Variants in ABCB1 observed in about 807,000 individuals in gnomAD.
ABCB1 encodes the protein ATP binding cassette subfamily B member 1, also known as ATP-dependent translocase ABCB1.
ABCB1 carries 69 observed loss-of-function variants against 142.0 expected under a neutral mutation model. The observed-to-expected ratio is 0.49, with a 90% CI of 0.40 to 0.59. The LOEUF (loss-of-function observed/expected upper bound fraction) is 0.59. ABCB1 is among the 20% of genes least tolerant of loss of function. The pLI, the probability that ABCB1 is intolerant of heterozygous loss-of-function variation, is 0.00. For missense variants in ABCB1, 1,326 were observed against 1,554.7 expected (o/e 0.85, Z 2.47); for synonymous variants, 532 against 539.2 (o/e 0.99, Z 0.18).
chr7:87,690,468 G>A (rs1487207574), intron 1 of ABCB1, among the ~76,000 whole-genome samples: 3 of 152,070 alleles, frequency 2.0e-5, no homozygotes, highest in African/African-American at 7.2e-5. Flanking sequence ...TTGTTTCTAA[G>A]ATGTTAATAC....
chr7:87,503,046 A>G lies in ABCB1; in HGVS notation c.*1197T>C, dbSNP rs1267858604. Among the ~76,000 whole-genome samples the G allele has an allele frequency of 1.3e-5, 2 of 152,148 alleles. No individual in the cohort carries two copies. The highest frequency in any genetic ancestry group is 2.4e-5 in the African/African-American group (1 of 41,576). ...GTCACATTAGATTTTTTTATTCATCATTAAATTACAAGGCAAAAAAATGAT... is the reference window on the plus strand; with the variant it reads ...GTCACATTAGATTTTTTTATTCATCGTTAAATTACAAGGCAAAAAAATGAT... On this transcript the variant is annotated 3_prime_UTR_variant, in exon 28 of 28. Transcript: ENST00000622132.
chr7:87,552,242 G>A (rs1817104879), intron 9 of ABCB1, among the ~76,000 whole-genome samples: 1 of 152,050 alleles, frequency 6.6e-6, no homozygotes, highest in Non-Finnish European at 1.5e-5. Context: ...GGGTTGATGA[G>A]AATTAATGTC....
chr7:87,560,116 C>T (rs1817497880), intron 8 of ABCB1, among the ~76,000 whole-genome samples: 1 of 152,138 alleles, frequency 6.6e-6, no homozygotes. Flanking sequence ...TTACCACCCC[C>T]ATTAGAATTT....
chr7:87,564,582 T>C (rs957874910), intron 7 of ABCB1, among the ~76,000 whole-genome samples: 1 of 152,170 alleles, frequency 6.6e-6, no homozygotes, highest in African/African-American at 2.4e-5. Context: ...TGTCTCTAGG[T>C]TTGAAGGTAG....
rs59443388 is a variant in ABCB1 at position 87,611,550 on chromosome 7, A to AT, written c.-330-10473dup. ...CATCCACATTGCTGCAAAGGACATG[A>AT]TTTTTTTTTTTTTAGGGCTGTGTAG... On this transcript the variant is annotated intron_variant, in intron 1 of 28. Coordinates refer to the ABCB1 transcript ENST00000265724. Among the ~76,000 whole-genome samples the AT allele has an allele frequency of 7.2e-3, 1,048 of 145,462 alleles. 11 individuals are homozygous for AT. The highest frequency in any genetic ancestry group is 0.014 in the East Asian group (69 of 5,002).
In ABCB1 at chr7:87,531,444, T is replaced by C; in HGVS notation, c.2535A>G (p.Thr845=). ...VITQNIANLG[T]GIIISFIYGW... is the part of the protein sequence containing the mutation. The stretch of plus-strand genomic sequence containing the variant: ...CATAGATGAAGGATATAATTATTCC[T>C]GTCCCAAGATTTGCTATATTCTGGG... Residue 845 remains threonine, a synonymous_variant, in exon 21 of 28, where the codon ACA becomes ACG. Coordinates refer to ENST00000622132, the MANE Select transcript of ABCB1 (RefSeq NM_001348946.2). 3.1e-6 allele frequency: 5 copies of C among 1,613,430 alleles called. No homozygotes were observed. Among genetic ancestry groups the C allele is most frequent in the South Asian group, 1.1e-5 (1 of 91,080 alleles).
Position 87,561,283 on chromosome 7 carries a change from T to C in ABCB1, c.807A>G (p.Gly269=). The C allele has an allele frequency of 6.2e-7, 1 of 1,613,998 alleles. No homozygotes were observed. Among genetic ancestry groups the C allele is most frequent in the Non-Finnish European group, 8.5e-7 (1 of 1,179,954 alleles). Residue 269 remains glycine, a synonymous_variant, in exon 8 of 28, where the codon GGA becomes GGG. Transcript: ENST00000622132. ...AAIRTVIAFG[G]QKKELERYNK... is the part of the protein sequence containing the mutation. ...CAAACCTTTCAAGTTCTTTCTTTTG[T>C]CCTCCAAATGCAATCACAGTTCTAA...
At chr7:87,539,710 G>A (rs1400957741) in intron 18 of ABCB1, among the ~76,000 whole-genome samples, 1 of 152,110 alleles carries the variant, frequency 6.6e-6, no homozygotes, top group Non-Finnish European at 1.5e-5. Flanking sequence ...ATGAGGAGTT[G>A]GGTGGTCTAA....
intron 4 of ABCB1, among the ~76,000 whole-genome samples, chr7:87,582,344 A>T (rs1818545032): frequency 6.6e-6 from 1 of 152,202 alleles, no homozygotes; most frequent in Admixed American, 6.5e-5. Context: ...ATATGGAGTC[A>T]GGTGTCCTTT....
intron 10 of ABCB1, 64 bp downstream of exon 10, chr7:87,550,661 C>T: frequency 6.4e-7 from 1 of 1,563,728 alleles, no homozygotes; most frequent in Non-Finnish European, 8.8e-7. Flanking sequence ...GATAAAGTGA[C>T]AAAGAAATTG....
chr7:87,691,215 T>A (rs1827987677), intron 1 of ABCB1, among the ~76,000 whole-genome samples: 1 of 152,144 alleles, frequency 6.6e-6, no homozygotes, highest in African/African-American at 2.4e-5. Flanking sequence ...ATTTCAATAT[T>A]AATAAAATTA....
At chr7:87,516,357 T>A (rs1353423525) in intron 24 of ABCB1, 152 bp downstream of exon 24, 1 of 942,180 alleles carries the variant, frequency 1.1e-6, no homozygotes, top group South Asian at 1.4e-5. Flanking sequence ...TGTTGATGTA[T>A]ATTATTAGCA....
At chr7:87,710,072 T>C (rs995567750) in intron 1 of ABCB1, among the ~76,000 whole-genome samples, 1 of 152,166 alleles carries the variant, frequency 6.6e-6, no homozygotes, top group Non-Finnish European at 1.5e-5. Context: ...TCATTATATA[T>C]AATGAAATTT....
intron 9 of ABCB1, 59 bp downstream of exon 9, chr7:87,553,702 T>A: frequency 6.6e-7 from 1 of 1,525,352 alleles, no homozygotes; most frequent in Non-Finnish European, 9.1e-7. Flanking sequence ...CAAGCCAACA[T>A]TACTGGATTT....
chr7:87,683,374 C>G (rs1827125434), intron 1 of ABCB1, among the ~76,000 whole-genome samples: 1 of 152,188 alleles, frequency 6.6e-6, no homozygotes, highest in African/African-American at 2.4e-5. Flanking sequence ...GCACAAGAGG[C>G]CTAGGTTTTG....
intron 20 of ABCB1, among the ~76,000 whole-genome samples, chr7:87,534,930 A>AAC (rs1563039543): frequency 1.4e-5 from 2 of 142,114 alleles, no homozygotes; most frequent in Non-Finnish European, 3.1e-5. Context: ...AAAAAAAAAA[A>AAC]AAAAAAAAAA....
intron 1 of ABCB1, among the ~76,000 whole-genome samples, chr7:87,626,023 T>TATATAG (rs1378522030): frequency 8.7e-6 from 1 of 114,538 alleles, no homozygotes; most frequent in African/African-American, 3.8e-5. Flanking sequence ...TATATATATA[T>TATATAG]AGAGAGAGAG....
intron 8 of ABCB1, among the ~76,000 whole-genome samples, chr7:87,560,425 A>T (rs950074021): frequency 6.6e-6 from 1 of 152,154 alleles, no homozygotes; most frequent in Non-Finnish European, 1.5e-5. Flanking sequence ...AGATCAAGAA[A>T]CAGAACACTG....
intron 23 of ABCB1, among the ~76,000 whole-genome samples, chr7:87,517,556 C>T (rs760141628): frequency 4.6e-5 from 7 of 152,136 alleles, no homozygotes; most frequent in Non-Finnish European, 1.5e-5. Context: ...TCACAGCTAA[C>T]CCATAGGTTT....
Sources: allele counts gnomAD v4.1 joint callset (sites outside exome capture counted in the v4.1 genomes callset), GRCh38; gene constraint gnomAD v4.1.1; transcripts MANE v1.5; gene names NCBI Gene and HGNC (gene_info 2026-07-23, HGNC 2026-07-21).